ERCC5: variants seen among roughly 807,000 people sequenced by gnomAD.
The protein encoded by ERCC5 is DNA excision repair protein ERCC-5.
A neutral mutation model predicts 105.6 loss-of-function variants in ERCC5; 68 were observed. The ratio of observed to expected loss-of-function variants is 0.64; its 90% CI spans 0.53 to 0.79. The LOEUF is 0.79. Ranked by LOEUF, ERCC5 falls within the 30% of genes least tolerant of loss-of-function variation. The pLI, the probability that ERCC5 is intolerant of heterozygous loss-of-function variation, is 0.00. For missense variants in ERCC5, 1,373 were observed against 1,426.7 expected (o/e 0.96, Z 0.61); for synonymous variants, 546 against 526.2 (o/e 1.04, Z -0.51).
Position 102,852,215 on chromosome 13 carries a change from C to G in ERCC5, c.186C>G (p.Leu62=), listed in dbSNP as rs1566464277. The G allele has an allele frequency of 1.9e-6, 3 of 1,613,960 alleles. No individual in the cohort carries two copies. The highest frequency in any genetic ancestry group is 2.2e-5 in the East Asian group (1 of 44,860). The change falls in exon 2 of 15, where the codon CTC becomes CTG. Residue 62 remains leucine (L), a synonymous_variant. Transcript: ENST00000652225. ...NPHLLTLFHR[L]CKLLFFRIRP... is the part of the protein sequence containing the mutation. ...ATCTTCTCACTTTGTTTCATCGGCT[C>G]TGCAAACTCTTATTTTTTCGAATTC...
intron 1 of ERCC5, 54 bp downstream of exon 1, chr13:102,846,408 C>T (rs1387711094): frequency 2.0e-6 from 3 of 1,489,100 alleles, no homozygotes; most frequent in Non-Finnish European, 9.3e-7. Context: ...GGCTGGATTC[C>T]TCGCGGGGCT....
At chr13:102,856,286 C>T (rs1040969408) in intron 5 of ERCC5, among the ~76,000 whole-genome samples, 174 bp downstream of exon 5, 3 of 100,230 alleles carry the variant, frequency 3.0e-5, no homozygotes, top group Admixed American at 9.7e-5. Context: ...AACACACTCA[C>T]CTACACACGT....
chr13:102,851,898 A>G (rs186686390), intron 1 of ERCC5, among the ~76,000 whole-genome samples: 47 of 152,244 alleles, frequency 3.1e-4, no homozygotes, highest in Admixed American at 1.2e-3. Flanking sequence ...CTGTCTTTGT[A>G]TGATTTTAAA....
intron 6 of ERCC5, among the ~76,000 whole-genome samples, chr13:102,860,468 G>A (rs970535978): frequency 2.0e-5 from 3 of 152,188 alleles, no homozygotes; most frequent in Non-Finnish European, 4.4e-5. Flanking sequence ...AACATGTTCT[G>A]ATTGATGACA....
chr13:102,862,106 T>C lies in ERCC5; in HGVS notation c.957T>C (p.Phe319=), dbSNP rs1364629469. ...PSSSKMHGMS[F]DVKSSPCEKL... is the part of the protein sequence containing the mutation. ...CCAGCAAAATGCACGGCATGTCTTT[T>C]GACGTGAAGTCATCTCCATGTGAAA... The change falls in exon 8 of 15, where the codon TTT becomes TTC. Residue 319 remains phenylalanine, a synonymous_variant. Transcript: ENST00000652225. The C allele has an allele frequency of 6.2e-7, 1 of 1,614,232 alleles. No homozygotes were observed. The highest frequency in any genetic ancestry group is 8.5e-7 in the Non-Finnish European group (1 of 1,180,028).
At position 102,862,677 on chromosome 13, in the gene ERCC5, C is replaced by T. The variant is rs965674226; in HGVS notation, c.1528C>T (p.His510Tyr). Residue 510 changes from histidine (H) to tyrosine (Y), a missense_variant, in exon 8 of 15, where the codon CAT becomes TAT. His to Tyr is a moderately conservative substitution (Grantham distance 83). Coordinates refer to ENST00000652225, the MANE Select transcript of ERCC5 (RefSeq NM_000123.4). The part of the protein sequence containing the change: ...RLPLESAVVR[H>Y]SDAPGLPNGR... The stretch of plus-strand genomic sequence containing the variant: ...GCCTCTGGAGAGTGCAGTGGTTAGA[C>T]ATAGTGACGCACCTGGGCTCCCGAA... 6.8e-6 allele frequency: 11 copies of T among 1,614,176 alleles called. No homozygotes were observed. The highest frequency in any genetic ancestry group is 1.6e-4 in the Middle Eastern group (1 of 6,062).
At chr13:102,873,383 G>T in intron 14 of ERCC5, 40 bp downstream of exon 14, 1 of 1,611,686 alleles carries the variant, frequency 6.2e-7, no homozygotes, top group South Asian at 1.1e-5. Context: ...CAGGATGAAG[G>T]GTAGGCTGTG....
In ERCC5 at chr13:102,862,496, T is replaced by C. The variant is rs1176468388; in HGVS notation, c.1347T>C (p.Ser449=). The change falls in exon 8 of 15, where the codon TCT becomes TCC. Residue 449 remains serine (S), a synonymous_variant. Coordinates refer to ENST00000652225, the MANE Select transcript of ERCC5 (RefSeq NM_000123.4). ...GIPFTATLAS[S]SVNSAEEHVA... is the part of the protein sequence containing the mutation. ...CGTTTACTGCAACACTTGCGTCATC[T>C]AGTGTGAACTCTGCAGAGGAGCACG... The C allele has an allele frequency of 3.1e-6, 5 of 1,614,048 alleles. No individual in the cohort carries two copies. In the Admixed American group the frequency reaches 8.3e-5, roughly 27 times the overall value.
intron 4 of ERCC5, among the ~76,000 whole-genome samples, chr13:102,854,623 A>G (rs1435601590): frequency 2.6e-5 from 4 of 152,234 alleles, no homozygotes; most frequent in Non-Finnish European, 5.9e-5. Context: ...TGTGGATTCT[A>G]AATTCTCCAA....
chr13:102,849,355 A>C (rs527573397), intron 1 of ERCC5: 29 of 519,050 alleles, frequency 5.6e-5, no homozygotes, highest in African/African-American at 5.4e-4. Flanking sequence ...CAGTGGCCGT[A>C]TCACCTCCTG....
At position 102,875,984 on chromosome 13, in the gene ERCC5, G is replaced by C; in HGVS notation, c.*81G>C. On this transcript the variant is annotated 3_prime_UTR_variant, in exon 15 of 15. Transcript: ENST00000652225. Reference sequence around the variant, plus strand: ...TCGCAAAGACGTAATAAAATTAACTGGTGGCACGGTCTTTGTATTTAGTGT... The same window carrying C: ...TCGCAAAGACGTAATAAAATTAACTCGTGGCACGGTCTTTGTATTTAGTGT... 6.5e-7 allele frequency: 1 copy of C among 1,533,084 alleles called. No homozygotes were observed. The highest frequency in any genetic ancestry group is 8.9e-7 in the Non-Finnish European group (1 of 1,129,568). The allele number at this position is 1,533,084 out of a possible 1,614,324, so 95.0% of individuals were successfully genotyped here.
chr13:102,847,076 C>T (rs185829529), intron 1 of ERCC5, among the ~76,000 whole-genome samples: 53 of 152,276 alleles, frequency 3.5e-4, no homozygotes, highest in African/African-American at 1.3e-3. Context: ...GCAGAGTAGA[C>T]TTCGACGATT....
chr13:102,855,711 C>A (rs186762816), intron 4 of ERCC5, among the ~76,000 whole-genome samples: 1 of 152,208 alleles, frequency 6.6e-6, no homozygotes, highest in East Asian at 1.9e-4. Context: ...TCTCCATGAA[C>A]CTTCCCGCTC....
rs1274010438 is a variant in ERCC5, at chr13:102,862,895, T to C, written c.1746T>C (p.Ser582=). 2.5e-6 allele frequency: 4 copies of C among 1,614,076 alleles called. No homozygotes were observed. The African/African-American group carries it at 5.3e-5, about 22-fold the overall frequency. Residue 582 remains serine, a synonymous_variant, in exon 8 of 15, where the codon AGT becomes AGC. Coordinates refer to ENST00000652225, the MANE Select transcript of ERCC5 (RefSeq NM_000123.4). ...NSASEVIGPV[S]LQETSSIVSV... ...CTTCTGAAGTCATTGGCCCTGTCAG[T>C]TTGCAAGAAACAAGTAGCATAGTAA...
chr13:102,854,385 A>T lies in ERCC5; in HGVS notation c.467+11A>T. The stretch of plus-strand genomic sequence containing the variant: ...GGAAGAAAAACACAGGTAAATGTTT[A>T]ACTATTTAAGAATATTATTTTAGTC... On this transcript the variant is annotated intron_variant, in intron 4 of 14. Transcript: ENST00000652225. The T allele has an allele frequency of 6.2e-7, 1 of 1,612,658 alleles. No individual in the cohort carries two copies. Among genetic ancestry groups the T allele is most frequent in the Non-Finnish European group, 8.5e-7 (1 of 1,178,666 alleles).
Position 102,852,147 on chromosome 13 carries a change from A to C in ERCC5, c.118A>C (p.Lys40Gln), listed in dbSNP as rs1384929710. The C allele has an allele frequency of 6.2e-7, 1 of 1,614,046 alleles. No homozygotes were observed. The highest frequency in any genetic ancestry group is 1.3e-5 in the African/African-American group (1 of 74,948). The change falls in exon 2 of 15, where the codon AAA (lysine) becomes CAA (glutamine). Residue 40 changes from lysine to glutamine, a missense_variant. Transcript: ENST00000652225. The stretch of plus-strand genomic sequence containing the variant: ...TAGCATTTGGTTAAACCAAGCACTT[A>C]AAGGAGTCCGGGATCGCCATGGGAA... ...DISIWLNQAL[K>Q]GVRDRHGNSI...
chr13:102,862,915 T>C lies in ERCC5; in HGVS notation c.1766T>C (p.Ile589Thr), dbSNP rs184579506. ...GPVSLQETSSIVSVPSEAVDN... is the reference protein window; with the variant it reads ...GPVSLQETSSTVSVPSEAVDN... Reference sequence around the variant, plus strand: ...GTCAGTTTGCAAGAAACAAGTAGCATAGTAAGTGTCCCTTCAGAGGCAGTA... The same window carrying C: ...GTCAGTTTGCAAGAAACAAGTAGCACAGTAAGTGTCCCTTCAGAGGCAGTA... The change falls in exon 8 of 15, where the codon ATA becomes ACA. Residue 589 changes from isoleucine to threonine, a missense_variant. Ile to Thr is a moderately conservative substitution (Grantham distance 89). This residue lies in a region of ERCC5 where 1,004 missense variants were observed against 1,059.7 expected (regional missense o/e 0.95). Coordinates refer to ENST00000652225, the MANE Select transcript of ERCC5 (RefSeq NM_000123.4). 12 of 1,614,198 alleles carry C rather than the reference T, an allele frequency of 7.4e-6. No individual in the cohort carries two copies. The highest frequency in any genetic ancestry group is 5.0e-5 in the Admixed American group (3 of 60,024).
intron 2 of ERCC5, among the ~76,000 whole-genome samples, chr13:102,852,830 T>G (rs1016303692): frequency 4.6e-5 from 7 of 152,122 alleles, no homozygotes; most frequent in Non-Finnish European, 7.3e-5. Flanking sequence ...CTGGAAGTAG[T>G]TTTAAAAAAT....
intron 11 of ERCC5, among the ~76,000 whole-genome samples, chr13:102,867,250 A>G (rs1882873233): frequency 1.3e-5 from 2 of 152,246 alleles, no homozygotes; most frequent in Non-Finnish European, 2.9e-5. Flanking sequence ...GAAGGAACAG[A>G]GAGTAAAATA....
Sources: allele counts gnomAD v4.1 joint callset (sites outside exome capture counted in the v4.1 genomes callset), GRCh38; gene constraint gnomAD v4.1.1; regional missense constraint gnomAD v4.1.1; transcripts MANE v1.5; gene names NCBI Gene and HGNC (gene_info 2026-07-23, HGNC 2026-07-21).